Variants in GPATCH1 observed in about 807,000 individuals in gnomAD.
GPATCH1 encodes G patch domain-containing protein 1.
In GPATCH1, 73 loss-of-function variants were observed where a neutral mutation model predicts 114.9. The observed-to-expected ratio is 0.64, with a 90% CI of 0.53 to 0.77. The LOEUF (loss-of-function observed/expected upper bound fraction) is 0.77, where lower values mean the gene tolerates loss of function less well. GPATCH1 is among the 30% of genes least tolerant of loss of function. The pLI is 0.00. For missense variants in GPATCH1, 1,058 were observed against 1,144.3 expected (o/e 0.92, Z 1.09); for synonymous variants, 391 against 428.4 (o/e 0.91, Z 1.08).
At chr19:33,111,642 C>A in intron 11 of GPATCH1, 82 bp from the exon 12 acceptor site, 1 of 1,201,730 alleles carries the variant, frequency 8.3e-7, no homozygotes, top group Non-Finnish European at 1.2e-6. Flanking sequence ...TACAGGGATA[C>A]AGTGGTGCCC....
rs1302145142 is a variant in GPATCH1, at chr19:33,095,938, C to T, written c.612+118C>T. On this transcript the variant is annotated intron_variant, in intron 6 of 19. Transcript: ENST00000170564. ...GATCCAATAACTATACAGTTAAATA[C>T]TCATACCCTAAAGCTATCCTCATTA... The T allele has an allele frequency of 3.7e-6, 3 of 819,212 alleles. No individual in the cohort carries two copies. In the East Asian group the frequency reaches 7.3e-5, roughly 20 times the overall value. 50.7% of individuals were successfully genotyped at this position (819,212 alleles called of 1,614,324 possible).
Position 33,109,723 on chromosome 19 carries a change from C to T in GPATCH1, c.1292C>T (p.Ala431Val). Reference sequence around the variant, plus strand: ...AATTACTGTTTTTATTTAGGTTCAGCTACTTCAGTGTTAGAATTTCTGTCC... The same window carrying T: ...AATTACTGTTTTTATTTAGGTTCAGTTACTTCAGTGTTAGAATTTCTGTCC... ...LLGETPIQGS[A>V]TSVLEFLSQK... The change falls in exon 11 of 20, where the codon GCT becomes GTT. Residue 431 changes from alanine (A) to valine (V), a missense_variant. Ala to Val is a moderately conservative substitution (Grantham distance 64). Around this residue, in one of 3 missense-constraint regions of GPATCH1, gnomAD observed 893 missense variants for 977.4 expected, o/e 0.91. Transcript: ENST00000170564. The T allele has an allele frequency of 6.4e-6, 10 of 1,559,938 alleles. No individual in the cohort carries two copies. Among genetic ancestry groups the T allele is most frequent in the Non-Finnish European group, 8.7e-6 (10 of 1,150,994 alleles).
chr19:33,095,708 G>C, intron 5 of GPATCH1, 54 bp from the exon 6 acceptor site: 2 of 1,262,086 alleles, frequency 1.6e-6, no homozygotes, highest in Non-Finnish European at 2.3e-6. Flanking sequence ...GGCCTGGTCG[G>C]GGTTTTCTAT....
At chr19:33,124,691 CTG>C (rs1433637083) in intron 17 of GPATCH1, among the ~76,000 whole-genome samples, 2 of 152,098 alleles carry the variant, frequency 1.3e-5, no homozygotes, top group East Asian at 1.9e-4. Context: ...GTTGGGGAAA[CTG>C]GGCGTGGGAG....
Position 33,088,156 on chromosome 19 carries a change from C to T in GPATCH1, c.96C>T (p.Ile32=), listed in dbSNP as rs749926716. 2.0e-6 allele frequency: 3 copies of T among 1,526,656 alleles called. No homozygotes were observed. Among genetic ancestry groups the T allele is most frequent in the Non-Finnish European group, 2.7e-6 (3 of 1,130,020 alleles). 94.6% of individuals were successfully genotyped at this position (1,526,656 alleles called of 1,614,324 possible). The change falls in exon 2 of 20, where the codon ATC becomes ATT. Residue 32 remains isoleucine (I), a synonymous_variant. Coordinates refer to ENST00000170564, the MANE Select transcript of GPATCH1 (RefSeq NM_018025.3). ...LEEGERPKKP[I]PLQDQTVRDE... ...TAGGTGAAAGACCAAAGAAACCAAT[C>T]CCTCTTCAGGATCAGACTGTCAGAG...
intron 5 of GPATCH1, among the ~76,000 whole-genome samples, chr19:33,095,204 C>T (rs1336040016): frequency 1.3e-5 from 2 of 150,526 alleles, no homozygotes; most frequent in African/African-American, 4.9e-5. Flanking sequence ...CACCGTAATG[C>T]TGTAGCACAT....
Position 33,112,468 on chromosome 19 carries a change from A to G in GPATCH1, c.1765-18A>G, listed in dbSNP as rs777747148. On this transcript the variant is annotated intron_variant, in intron 12 of 19. Transcript: ENST00000170564. ...TGGTGCGGCCACTTGATGGAACAGAATGCATGTCTTTTTCCAGAATGATGT... is the reference window on the plus strand; with the variant it reads ...TGGTGCGGCCACTTGATGGAACAGAGTGCATGTCTTTTTCCAGAATGATGT... The G allele has an allele frequency of 6.2e-7, 1 of 1,613,962 alleles. No homozygotes were observed. Among genetic ancestry groups the G allele is most frequent in the Non-Finnish European group, 8.5e-7 (1 of 1,179,938 alleles).
At chr19:33,118,780 C>T (rs976917045) in intron 16 of GPATCH1, among the ~76,000 whole-genome samples, 1 of 152,228 alleles carries the variant, frequency 6.6e-6, no homozygotes, top group Non-Finnish European at 1.5e-5. Context: ...CGCTGTACCT[C>T]AGCCATTGCT....
At chr19:33,128,154 C>T (rs1973063738) in intron 19 of GPATCH1, among the ~76,000 whole-genome samples, 1 of 152,172 alleles carries the variant, frequency 6.6e-6, no homozygotes, top group Admixed American at 6.6e-5. Flanking sequence ...GTGGCCTGAT[C>T]ACAGCTCACT....
At chr19:33,123,550 T>C (rs1330637208) in intron 17 of GPATCH1, among the ~76,000 whole-genome samples, 1 of 152,012 alleles carries the variant, frequency 6.6e-6, no homozygotes, top group Non-Finnish European at 1.5e-5. Context: ...AAAAGTTCGA[T>C]AACAGCCTTG....
At chr19:33,098,722 C>G (rs909849067) in intron 8 of GPATCH1, among the ~76,000 whole-genome samples, 1 of 152,092 alleles carries the variant, frequency 6.6e-6, no homozygotes, top group Non-Finnish European at 1.5e-5. Flanking sequence ...AAGCACCTGT[C>G]CCAAAGACTG....
chr19:33,097,714 C>T, intron 7 of GPATCH1, 41 bp from the exon 8 acceptor site: 1 of 1,596,008 alleles, frequency 6.3e-7, no homozygotes, highest in Non-Finnish European at 8.6e-7. Context: ...CCAGACATAC[C>T]CTAACACCTG....
chr19:33,113,726 C>A lies in GPATCH1; in HGVS notation c.1893-41C>A, dbSNP rs367731719. 3.1e-6 allele frequency: 5 copies of A among 1,592,862 alleles called. No homozygotes were observed. In the East Asian group the frequency reaches 6.7e-5, roughly 21 times the overall value. On this transcript the variant is annotated intron_variant, in intron 13 of 19. Coordinates refer to ENST00000170564, the MANE Select transcript of GPATCH1 (RefSeq NM_018025.3). ...AGCTTTTCAGGAGGTGGATTTTGTC[C>A]TACTGGTTGTTACTAAAATGATTCT...
At chr19:33,125,745 G>A (rs537693305) in intron 18 of GPATCH1, among the ~76,000 whole-genome samples, 9 of 152,248 alleles carry the variant, frequency 5.9e-5, no homozygotes, top group Admixed American at 4.6e-4. Context: ...AGAGCAATGG[G>A]TGAATATTAA....
chr19:33,084,020 G>A (rs1323223775), intron 1 of GPATCH1, among the ~76,000 whole-genome samples: 1 of 152,054 alleles, frequency 6.6e-6, no homozygotes, highest in African/African-American at 2.4e-5. Context: ...ACGTTGGCCA[G>A]GCTGGACTCG....
At chr19:33,097,511 G>A (rs1972675344) in intron 7 of GPATCH1, among the ~76,000 whole-genome samples, 1 of 152,182 alleles carries the variant, frequency 6.6e-6, no homozygotes, top group African/African-American at 2.4e-5. Context: ...GGGACCTGGA[G>A]CCATGGCTGT....
rs148866602 is a variant in GPATCH1 at position 33,111,773 on chromosome 19, C to T, written c.1635C>T (p.Gly545=). ...CCAGCATGACAGAGTGGGAGCGAGG[C>T]CGTGAGCGGGATGAGTTTGCCCGGG... The part of the protein sequence containing the change: ...LDPSMTEWER[G]RERDEFARAA... The change falls in exon 12 of 20, where the codon GGC becomes GGT. Residue 545 remains glycine, a synonymous_variant. Coordinates refer to ENST00000170564, the MANE Select transcript of GPATCH1 (RefSeq NM_018025.3). The T allele has an allele frequency of 6.2e-6, 10 of 1,613,988 alleles. No individual in the cohort carries two copies. The African/African-American group carries it at 1.3e-4, about 22-fold the overall frequency.
intron 3 of GPATCH1, among the ~76,000 whole-genome samples, chr19:33,092,116 G>A (rs940455446): frequency 2.0e-5 from 3 of 151,284 alleles, no homozygotes; most frequent in African/African-American, 2.4e-5. Flanking sequence ...GCGCTATCTC[G>A]GCTCACTGCA....
At position 33,090,847 on chromosome 19, in the gene GPATCH1, A is replaced by G; in HGVS notation, c.276A>G (p.Glu92=). 6.2e-7 allele frequency: 1 copy of G among 1,612,130 alleles called. No individual in the cohort carries two copies. ...NRADKSVLGP[E]DFMDEEDLSE... is the part of the protein sequence containing the mutation. ...CAGACAAATCTGTTCTTGGTCCTGA[A>G]GATTTTATGGATGAAGAGGTGCGTG... Residue 92 remains glutamate, a synonymous_variant, in exon 3 of 20, where the codon GAA becomes GAG. Coordinates refer to ENST00000170564, the MANE Select transcript of GPATCH1 (RefSeq NM_018025.3).
Sources: allele counts gnomAD v4.1 joint callset (sites outside exome capture counted in the v4.1 genomes callset), GRCh38; gene constraint gnomAD v4.1.1; regional missense constraint gnomAD v4.1.1; transcripts MANE v1.5; gene names NCBI Gene and HGNC (gene_info 2026-07-23, HGNC 2026-07-21).